PLEKHM3: variants seen among roughly 807,000 people sequenced by gnomAD.
PLEKHM3 encodes the protein pleckstrin homology domain-containing family M member 3.
PLEKHM3 carries 45 observed loss-of-function variants against 81.8 expected under a neutral mutation model. The ratio of observed to expected loss-of-function variants is 0.55; its 90% confidence interval spans 0.43 to 0.71. The LOEUF (loss-of-function observed/expected upper bound fraction) is 0.71, where lower values mean the gene tolerates loss of function less well. Ranked by LOEUF, PLEKHM3 falls within the 30% of genes least tolerant of loss-of-function variation. PLEKHM3 has a pLI of 0.00. For missense variants in PLEKHM3, 788 were observed against 924.3 expected (o/e 0.85, Z 1.91); for synonymous variants, 352 against 356.4 (o/e 0.99, Z 0.14).
At chr2:207,855,636 G>A (rs114333575) in intron 7 of PLEKHM3, among the ~76,000 whole-genome samples, 1 of 151,980 alleles carries the variant, frequency 6.6e-6, no homozygotes, top group African/African-American at 2.4e-5. Context: ...CATGTTGATC[G>A]TATGTTCCCT....
At chr2:207,941,158 C>T (rs150676630) in intron 4 of PLEKHM3, among the ~76,000 whole-genome samples, 65 of 152,254 alleles carry the variant, frequency 4.3e-4, no homozygotes, top group Non-Finnish European at 8.2e-4. Context: ...TAGACACCAA[C>T]GATTCCAGGT....
At chr2:207,886,164 T>A (rs1687878822) in intron 6 of PLEKHM3, among the ~76,000 whole-genome samples, 1 of 152,162 alleles carries the variant, frequency 6.6e-6, no homozygotes, top group African/African-American at 2.4e-5. Flanking sequence ...GTATAATTTT[T>A]AAAAACAGGA....
At chr2:207,975,342 C>T (rs1482256514) in intron 3 of PLEKHM3, among the ~76,000 whole-genome samples, 1 of 152,106 alleles carries the variant, frequency 6.6e-6, no homozygotes, top group Admixed American at 6.6e-5. Context: ...TGGCTTTTTT[C>T]AATGCAGGAG....
At chr2:207,929,950 CAA>C (rs1311632993) in intron 5 of PLEKHM3, 1 of 692,772 alleles carries the variant, frequency 1.4e-6, no homozygotes, top group East Asian at 2.7e-5. Flanking sequence ...TCTATTAAAA[CAA>C]AAAAATTAAA....
chr2:207,826,709 G>A lies in PLEKHM3; in HGVS notation c.*1610C>T, dbSNP rs1053367768. ...TTGGGGAAGCGGCGTGTGGGGGAAA[G>A]GAGCAATGGGGTTGAATGTACCAAG... On this transcript the variant is annotated 3_prime_UTR_variant, in exon 8 of 8. Coordinates refer to ENST00000427836, the MANE Select transcript of PLEKHM3 (RefSeq NM_001080475.3). 2.0e-5 allele frequency: 3 copies of A among 152,164 alleles called. No individual in the cohort carries two copies. The highest frequency in any genetic ancestry group is 4.4e-5 in the Non-Finnish European group (3 of 68,042). 9.4% of individuals were successfully genotyped at this position (152,164 alleles called of 1,614,324 possible).
At chr2:207,856,625 C>T (rs2092438955) in intron 7 of PLEKHM3, among the ~76,000 whole-genome samples, 1 of 152,172 alleles carries the variant, frequency 6.6e-6, no homozygotes, top group South Asian at 2.1e-4. Flanking sequence ...TCCTCCATGT[C>T]TCTTTGTGGC....
intron 6 of PLEKHM3, among the ~76,000 whole-genome samples, chr2:207,894,702 G>A (rs1308689474): frequency 6.6e-6 from 1 of 152,120 alleles, no homozygotes; most frequent in African/African-American, 2.4e-5. Flanking sequence ...TCTAAAGAAG[G>A]GAGTCCTTCC....
At chr2:207,886,233 T>C (rs1480999980) in intron 6 of PLEKHM3, among the ~76,000 whole-genome samples, 2 of 152,174 alleles carry the variant, frequency 1.3e-5, no homozygotes, top group Non-Finnish European at 2.9e-5. Flanking sequence ...CCATCCCAGA[T>C]GAGCCCCAAG....
rs57642698 is a variant in PLEKHM3 at position 207,936,846 on chromosome 2, A to AGTGTGTGTGTGT, written c.1693-5739_1693-5728dup. ...CAAAAAAGAACTGGTTAGATAAATT[A>AGTGTGTGTGTGT]GTGTGTGTGTGTGTGTGTGTGTGTG... is the stretch of plus-strand genomic sequence containing the variant. On this transcript the variant is annotated intron_variant, in intron 4 of 7. Coordinates refer to ENST00000427836, the MANE Select transcript of PLEKHM3 (RefSeq NM_001080475.3). Among the ~76,000 whole-genome samples, 296 of 146,794 alleles carry AGTGTGTGTGTGT rather than the reference A, an allele frequency of 2.0e-3. 1 individual carries two copies. Among genetic ancestry groups the AGTGTGTGTGTGT allele is most frequent in the African/African-American group, 6.9e-3 (274 of 39,974 alleles).
chr2:207,957,784 AG>A (rs1452255956), intron 3 of PLEKHM3, among the ~76,000 whole-genome samples: 1 of 152,256 alleles, frequency 6.6e-6, no homozygotes, highest in Non-Finnish European at 1.5e-5. Flanking sequence ...TAAAGAAGTG[AG>A]AAAAAGCTAG....
chr2:207,937,242 A>G (rs143155741), intron 4 of PLEKHM3, among the ~76,000 whole-genome samples: 277 of 152,318 alleles, frequency 1.8e-3, no homozygotes, highest in South Asian at 5.4e-3. Flanking sequence ...CTCTCAAGTT[A>G]TCTATCACAG....
chr2:207,927,777 C>G (rs1262111888), intron 5 of PLEKHM3, among the ~76,000 whole-genome samples: 3 of 152,076 alleles, frequency 2.0e-5, no homozygotes, highest in Non-Finnish European at 4.4e-5. Context: ...TTGCAGTGAG[C>G]CAAGATCGTG....
At position 207,956,718 on chromosome 2, in the gene PLEKHM3, ATTTTTTTTT is replaced by A. The variant is rs1170073686; in HGVS notation, c.1547-10215_1547-10207del. Among the ~76,000 whole-genome samples, 51 of 69,146 alleles carry A rather than the reference ATTTTTTTTT, an allele frequency of 7.4e-4. 1 individual carries two copies. The highest frequency in any genetic ancestry group is 2.1e-3 in the African/African-American group (40 of 19,402). 45.4% of individuals were successfully genotyped at this position (69,146 alleles called of 152,430 possible). A position where few individuals can be genotyped will look rare whatever the true frequency, so the allele number is the denominator to read the frequency against. On this transcript the variant is annotated intron_variant, in intron 3 of 7. Transcript: ENST00000427836. Reference sequence around the variant, plus strand: ...ATGCCACCACACCTGGCTGATTAAAATTTTTTTTTTTTTTTTTTTTTTTTTTTTGCAGAG... The same window carrying A: ...ATGCCACCACACCTGGCTGATTAAAATTTTTTTTTTTTTTTTTTTGCAGAG...
chr2:207,938,341 T>A (rs975409136), intron 4 of PLEKHM3, among the ~76,000 whole-genome samples: 1 of 152,166 alleles, frequency 6.6e-6, no homozygotes, highest in African/African-American at 2.4e-5. Context: ...ATAGACGAAA[T>A]CCTGCTTTAA....
At chr2:207,901,887 C>T (rs906394595) in intron 6 of PLEKHM3, among the ~76,000 whole-genome samples, 1 of 152,194 alleles carries the variant, frequency 6.6e-6, no homozygotes, top group Non-Finnish European at 1.5e-5. Context: ...AGATTATGTT[C>T]AGTGGTTTCT....
chr2:208,024,009 G>A lies in PLEKHM3; in HGVS notation c.-319+1380C>T, dbSNP rs144905434. ...TGTACAAAAATTAGCCAGGCGTGGT[G>A]GCTTGTGCCTATGGTTCCAGCCACA... On this transcript the variant is annotated intron_variant, in intron 1 of 7. Coordinates refer to ENST00000427836, the MANE Select transcript of PLEKHM3 (RefSeq NM_001080475.3). Among the ~76,000 whole-genome samples the A allele has an allele frequency of 6.4e-3, 972 of 152,144 alleles. 9 individuals carry two copies. Among genetic ancestry groups the A allele is most frequent in the African/African-American group, 0.022 (923 of 41,502 alleles).
At chr2:207,880,489 C>A (rs187014873) in intron 6 of PLEKHM3, among the ~76,000 whole-genome samples, 6 of 150,672 alleles carry the variant, frequency 4.0e-5, no homozygotes, top group East Asian at 2.0e-4. Context: ...AGAGGCCGGG[C>A]GCGGTGGCTC....
Position 207,843,351 on chromosome 2 carries a change from G to T in PLEKHM3, c.2109-14855C>A, listed in dbSNP as rs1469946704. On this transcript the variant is annotated intron_variant, in intron 7 of 7. Coordinates refer to ENST00000427836, the MANE Select transcript of PLEKHM3 (RefSeq NM_001080475.3). The surrounding 1 kb of genome is among the most constrained non-coding windows in gnomAD (Gnocchi z 4.4). ...GAAAAAGTGAGGTAACAAACTAATG[G>T]GAGGGTTAGCCTGGGAGAAGGAGAC... Among the ~76,000 whole-genome samples the T allele has an allele frequency of 6.6e-6, 1 of 152,110 alleles. No individual in the cohort carries two copies. The highest frequency in any genetic ancestry group is 6.5e-5 in the Admixed American group (1 of 15,270).
chr2:208,007,547 C>T (rs1692536384), intron 1 of PLEKHM3, among the ~76,000 whole-genome samples: 1 of 152,144 alleles, frequency 6.6e-6, no homozygotes, highest in African/African-American at 2.4e-5. Context: ...TTGAAGCAAA[C>T]ATTAAATTGC....
Sources: allele counts gnomAD v4.1 joint callset (sites outside exome capture counted in the v4.1 genomes callset), GRCh38; gene constraint gnomAD v4.1.1; non-coding constraint Gnocchi (gnomAD v3.1); transcripts MANE v1.5; gene names NCBI Gene and HGNC (gene_info 2026-07-23, HGNC 2026-07-21).